The following ENOX1 variants were observed in gnomAD, a reference collection of about 807,000 sequenced individuals.
ENOX1 encodes the protein candidate growth-related and time keeping constitutive hydroquinone (NADH) oxidase.
A neutral mutation model predicts 82.5 loss-of-function variants in ENOX1; 42 were observed. The observed-to-expected ratio is 0.51, with a 90% CI of 0.40 to 0.66. The LOEUF (loss-of-function observed/expected upper bound fraction) is 0.66, where lower values mean the gene tolerates loss of function less well. Ranked by LOEUF, ENOX1 falls within the 30% of genes least tolerant of loss-of-function variation. The pLI, the probability that ENOX1 is intolerant of heterozygous loss-of-function variation, is 0.00. For synonymous variants in ENOX1, 271 were observed against 282.2 expected, an observed-to-expected ratio of 0.96 and a Z score of 0.40; for missense variants, 608 against 811.6, an observed-to-expected ratio of 0.75 and a Z score of 3.05.
At chr13:43,261,616 T>A (rs373266688) in intron 14 of ENOX1, among the ~76,000 whole-genome samples, 1 of 151,692 alleles carries the variant, frequency 6.6e-6, no homozygotes, top group South Asian at 2.1e-4. Flanking sequence ...TAGACTGGAT[T>A]AAGAAAATGT....
chr13:43,701,971 C>A (rs1310882954), intron 1 of ENOX1, among the ~76,000 whole-genome samples: 9 of 152,104 alleles, frequency 5.9e-5, no homozygotes, highest in Admixed American at 5.9e-4. Context: ...TCTTCTAACC[C>A]CACCAGGGAA....
At chr13:43,359,088 C>T (rs910176143) in intron 7 of ENOX1, among the ~76,000 whole-genome samples, 4 of 152,220 alleles carry the variant, frequency 2.6e-5, no homozygotes, top group Non-Finnish European at 5.9e-5. Context: ...CACCCCCACC[C>T]GCTACTGTTT....
intron 2 of ENOX1, among the ~76,000 whole-genome samples, chr13:43,587,105 A>G (rs73476090): frequency 2.6e-4 from 39 of 152,062 alleles, no homozygotes; most frequent in African/African-American, 9.4e-4. Flanking sequence ...GTAAAAGAAC[A>G]ATCAGCTCTG....
chr13:43,443,583 G>C (rs2056472942), intron 3 of ENOX1, among the ~76,000 whole-genome samples: 2 of 152,156 alleles, frequency 1.3e-5, no homozygotes, highest in Admixed American at 1.3e-4. Flanking sequence ...TTGTTAAGGA[G>C]TCCACAACTG....
intron 1 of ENOX1, among the ~76,000 whole-genome samples, chr13:43,734,686 C>CT (rs2089523017): frequency 6.6e-6 from 1 of 152,146 alleles, no homozygotes; most frequent in East Asian, 1.9e-4. Flanking sequence ...TGACAACTCT[C>CT]TATCATTTAA....
chr13:43,453,039 C>T (rs2057047415), intron 3 of ENOX1, among the ~76,000 whole-genome samples: 1 of 152,208 alleles, frequency 6.6e-6, no homozygotes, highest in African/African-American at 2.4e-5. Flanking sequence ...GCTATGAATG[C>T]AAGTCCAAGC....
In ENOX1 at chr13:43,707,113, T is replaced by C. The variant is rs115216905; in HGVS notation, c.-284-39569A>G. On this transcript the variant is annotated intron_variant, in intron 1 of 16. Coordinates refer to ENST00000690772, the MANE Select transcript of ENOX1 (RefSeq NM_001347969.2). ...TATGAAAATCAACTCTATTTCTATA[T>C]ACCGGCAGTGAATAACTGAAAATGA... Among the ~76,000 whole-genome samples, 1,363 of 152,260 alleles carry C rather than the reference T, an allele frequency of 9.0e-3. 21 individuals are homozygous for C. The highest frequency in any genetic ancestry group is 0.031 in the African/African-American group (1,290 of 41,538).
chr13:43,530,417 C>T (rs919926867), intron 2 of ENOX1, among the ~76,000 whole-genome samples: 2 of 152,074 alleles, frequency 1.3e-5, no homozygotes, highest in African/African-American at 4.8e-5. Context: ...AATTTCTTCA[C>T]ATAGAGCTAG....
At chr13:43,521,583 C>G (rs952110531) in intron 2 of ENOX1, among the ~76,000 whole-genome samples, 2 of 152,100 alleles carry the variant, frequency 1.3e-5, no homozygotes, top group Non-Finnish European at 2.9e-5. Flanking sequence ...TTACTGAGCC[C>G]TATAAGACCA....
intron 3 of ENOX1, among the ~76,000 whole-genome samples, chr13:43,445,726 G>A (rs17064553): frequency 0.052 from 7,894 of 152,182 alleles, 729 homozygotes; most frequent in African/African-American, 0.18. Context: ...AGGGCACATG[G>A]AACAATCTTT....
At chr13:43,653,635 A>C (rs1257501774) in intron 2 of ENOX1, among the ~76,000 whole-genome samples, 1 of 152,172 alleles carries the variant, frequency 6.6e-6, no homozygotes, top group Non-Finnish European at 1.5e-5. Context: ...CTAACATTAA[A>C]ATTCTTTCCA....
chr13:43,724,678 T>C (rs564825712), intron 1 of ENOX1, among the ~76,000 whole-genome samples: 1 of 152,306 alleles, frequency 6.6e-6, no homozygotes, highest in South Asian at 2.1e-4. Context: ...TTAGAGGAAA[T>C]TCAACTAAAA....
chr13:43,714,320 T>A (rs926216983), intron 1 of ENOX1, among the ~76,000 whole-genome samples: 2 of 152,036 alleles, frequency 1.3e-5, no homozygotes, highest in Non-Finnish European at 2.9e-5. Context: ...TGCTGAGGAG[T>A]GCTTTACTTC....
intron 2 of ENOX1, 120 bp downstream of exon 2, chr13:43,667,359 C>T (rs2085033903): frequency 1.5e-6 from 1 of 674,962 alleles, no homozygotes; most frequent in Non-Finnish European, 1.8e-6. Flanking sequence ...CCTCTGAACC[C>T]CAGATATAAC....
At chr13:43,334,197 G>A (rs1425671881) in intron 9 of ENOX1, among the ~76,000 whole-genome samples, 4 of 152,186 alleles carry the variant, frequency 2.6e-5, no homozygotes. Flanking sequence ...GTTTTGCAAC[G>A]ACTGTCTGAG....
intron 2 of ENOX1, chr13:43,547,753 G>C (rs1190139219): frequency 2.0e-5 from 3 of 152,204 alleles, no homozygotes; most frequent in Non-Finnish European, 4.4e-5. Flanking sequence ...CAAATCTTCA[G>C]ATGGCCTACA....
chr13:43,550,845 C>A (rs1179732609), intron 2 of ENOX1, among the ~76,000 whole-genome samples: 1 of 152,138 alleles, frequency 6.6e-6, no homozygotes, highest in Non-Finnish European at 1.5e-5. Context: ...AGCCAATGAG[C>A]CTTTTGTGAC....
intron 6 of ENOX1, among the ~76,000 whole-genome samples, chr13:43,360,954 G>T (rs138493693): frequency 5.5e-4 from 84 of 152,276 alleles, no homozygotes; most frequent in African/African-American, 1.9e-3. Flanking sequence ...CCACATTTGT[G>T]AAGATGGATG....
rs773792382 is a variant in ENOX1, at chr13:43,334,825, C to CT, written c.1037-8301dup. The stretch of plus-strand genomic sequence containing the variant: ...TTTGTCTAAAATCCAGTCTGTCCTA[C>CT]TTTTTTTGAAATAAAAGTCATTGAA... On this transcript the variant is annotated intron_variant, in intron 9 of 16. Coordinates refer to ENST00000690772, the MANE Select transcript of ENOX1 (RefSeq NM_001347969.2). 5.3e-5 allele frequency among the ~76,000 whole-genome samples: 8 copies of CT among 152,086 alleles called. No individual in the cohort carries two copies. In the East Asian group the frequency reaches 9.6e-4, roughly 18 times the overall value.
Sources: allele counts gnomAD v4.1 joint callset (sites outside exome capture counted in the v4.1 genomes callset), GRCh38; gene constraint gnomAD v4.1.1; transcripts MANE v1.5; gene names NCBI Gene and HGNC (gene_info 2026-07-23, HGNC 2026-07-21).